MTHFD1: variants seen among roughly 807,000 people sequenced by gnomAD.
MTHFD1 encodes the protein methylenetetrahydrofolate dehydrogenase, cyclohydrolase and formyltetrahydrofolate synthetase 1.
In MTHFD1, 44 loss-of-function variants were observed where a neutral mutation model predicts 110.3. The observed-to-expected ratio is 0.40, with a 90% CI of 0.31 to 0.51. The LOEUF is 0.51. MTHFD1 is among the 20% of genes least tolerant of loss of function. The pLI, the probability that MTHFD1 is intolerant of heterozygous loss-of-function variation, is 0.60. For synonymous variants in MTHFD1, 402 were observed against 428.8 expected, an observed-to-expected ratio of 0.94 and a Z score of 0.77; for missense variants, 909 against 1,173.1, an observed-to-expected ratio of 0.77 and a Z score of 3.29.
chr14:64,412,762 C>T (rs1472172058), intron 4 of MTHFD1, among the ~76,000 whole-genome samples: 6 of 151,624 alleles, frequency 4.0e-5, no homozygotes, highest in Admixed American at 6.6e-5. Context: ...CTCAGCCTCC[C>T]GAGTAGCTGG....
intron 14 of MTHFD1, 39 bp from the exon 15 acceptor site, chr14:64,431,748 G>A: frequency 6.2e-7 from 1 of 1,604,018 alleles, no homozygotes; most frequent in Non-Finnish European, 8.5e-7. Context: ...CAAAGCAGTG[G>A]GGCTCCTCTC....
chr14:64,455,069 G>C, intron 26 of MTHFD1, 194 bp downstream of exon 26: 1 of 614,084 alleles, frequency 1.6e-6, no homozygotes, highest in Non-Finnish European at 2.9e-6. Context: ...GGACCATCTT[G>C]GTGTCAAATC....
intron 2 of MTHFD1, among the ~76,000 whole-genome samples, chr14:64,405,925 C>G (rs948021439): frequency 6.6e-6 from 1 of 151,408 alleles, no homozygotes. Context: ...GGGATGAGAT[C>G]CAATTCTAAA....
intron 24 of MTHFD1, among the ~76,000 whole-genome samples, chr14:64,451,465 A>T (rs1016720930): frequency 1.3e-5 from 2 of 152,250 alleles, no homozygotes; most frequent in African/African-American, 4.8e-5. Context: ...GTTAATTAAC[A>T]TTGACATTGA....
chr14:64,446,245 T>A (rs1230569182), intron 22 of MTHFD1, among the ~76,000 whole-genome samples: 1 of 152,226 alleles, frequency 6.6e-6, no homozygotes, highest in African/African-American at 2.4e-5. Flanking sequence ...ATGAATTATA[T>A]ACATGTATTT....
intron 22 of MTHFD1, among the ~76,000 whole-genome samples, chr14:64,447,524 G>C (rs1210830409): frequency 7.5e-6 from 1 of 133,412 alleles, no homozygotes; most frequent in Non-Finnish European, 1.6e-5. Context: ...TCCTAGGCTT[G>C]TCTCAAACTC....
intron 7 of MTHFD1, among the ~76,000 whole-genome samples, chr14:64,419,500 G>A (rs2078052929): frequency 6.6e-6 from 1 of 152,226 alleles, no homozygotes; most frequent in Non-Finnish European, 1.5e-5. Flanking sequence ...AGAAGGAGCA[G>A]TGTCTGGACA....
intron 15 of MTHFD1, among the ~76,000 whole-genome samples, chr14:64,433,481 A>C (rs900069100): frequency 6.6e-6 from 1 of 152,092 alleles, no homozygotes; most frequent in African/African-American, 2.4e-5. Context: ...GCCGTGGTGC[A>C]ATCACATCTT....
rs547628613 is a variant in MTHFD1 at position 64,459,742 on chromosome 14, C to A, written c.*5-17C>A. ...GCTTGCTTAGAGAAAACATTTATTT[C>A]TTGTTTTTCCTTCCAGATCACCATC... On this transcript the variant is annotated splice_polypyrimidine_tract_variant and intron_variant, in intron 27 of 27. Transcript: ENST00000652337. The A allele has an allele frequency of 3.3e-6, 5 of 1,526,918 alleles. No homozygotes were observed. The highest frequency in any genetic ancestry group is 2.4e-5 in the East Asian group (1 of 40,828). The allele number at this position is 1,526,918 out of a possible 1,614,324, so 94.6% of individuals were successfully genotyped here.
Position 64,454,831 on chromosome 14 carries a change from C to T in MTHFD1, c.2674C>T (p.Arg892Cys), listed in dbSNP as rs1038153439. 18 of 1,614,196 alleles carry T rather than the reference C, an allele frequency of 1.1e-5. No homozygotes were observed. Among genetic ancestry groups the T allele is most frequent in the Admixed American group, 3.3e-5 (2 of 60,026 alleles). The change falls in exon 26 of 28, where the codon CGC becomes TGC. Residue 892 changes from arginine to cysteine, a missense_variant. By Grantham distance (180) the Arg-to-Cys change is radical. This residue lies in a region of MTHFD1 where 482 missense variants were observed against 646.0 expected (regional missense o/e 0.75). Transcript: ENST00000652337. ...TGFILPIRDI[R>C]ASVGAGFLYP... ...CTTCATTCTGCCCATTCGCGACATC[C>T]GCGCCAGCGTTGGGGCTGGTTTTCT...
chr14:64,447,756 C>T (rs1260841466), intron 22 of MTHFD1, among the ~76,000 whole-genome samples: 1 of 152,124 alleles, frequency 6.6e-6, no homozygotes, highest in Non-Finnish European at 1.5e-5. Context: ...CTCTTCTGTG[C>T]CAGCCACTAT....
At chr14:64,454,925 G>A in intron 26 of MTHFD1, 50 bp downstream of exon 26, 2 of 1,597,202 alleles carry the variant, frequency 1.3e-6, no homozygotes, top group Non-Finnish European at 8.6e-7. Flanking sequence ...CTTCTCGTCT[G>A]AAGTGTGTTG....
At chr14:64,430,015 A>T (rs906474561) in intron 12 of MTHFD1, among the ~76,000 whole-genome samples, 169 bp from the exon 13 acceptor site, 3 of 152,214 alleles carry the variant, frequency 2.0e-5, no homozygotes, top group African/African-American at 7.2e-5. Flanking sequence ...TCAGATTTCA[A>T]TTGAGAGACT....
chr14:64,452,378 C>T (rs1642124702), intron 24 of MTHFD1, among the ~76,000 whole-genome samples: 1 of 152,198 alleles, frequency 6.6e-6, no homozygotes, highest in Non-Finnish European at 1.5e-5. Flanking sequence ...TTGTAATTTG[C>T]TCATCCAAAT....
At chr14:64,412,830 G>T (rs1308237221) in intron 4 of MTHFD1, among the ~76,000 whole-genome samples, 4 of 151,468 alleles carry the variant, frequency 2.6e-5, no homozygotes, top group Non-Finnish European at 5.9e-5. Flanking sequence ...TAGAGACGCG[G>T]TTTCACCACG....
Position 64,415,459 on chromosome 14 carries a change from G to C in MTHFD1, c.342G>C (p.Val114=). ...AGAATTCCATTAACACTGAAGAAGTGATCAATGCTATTGCACCCGAGAAGG... is the reference window on the plus strand; with the variant it reads ...AGAATTCCATTAACACTGAAGAAGTCATCAATGCTATTGCACCCGAGAAGG... ...DSENSINTEE[V]INAIAPEKDV... is the part of the protein sequence containing the mutation. Residue 114 remains valine (V), a synonymous_variant, in exon 5 of 28, where the codon GTG becomes GTC. Transcript: ENST00000652337. The C allele has an allele frequency of 6.2e-7, 1 of 1,614,106 alleles. No individual in the cohort carries two copies. Among genetic ancestry groups the C allele is most frequent in the Non-Finnish European group, 8.5e-7 (1 of 1,179,964 alleles).
chr14:64,390,943 C>T (rs140907300), intron 1 of MTHFD1, among the ~76,000 whole-genome samples: 169 of 152,240 alleles, frequency 1.1e-3, no homozygotes, highest in African/African-American at 3.5e-3. Flanking sequence ...GCCACTGCAC[C>T]GGTCCTAGAA....
At chr14:64,410,576 T>C (rs767815703) in intron 2 of MTHFD1, among the ~76,000 whole-genome samples, 1 of 152,166 alleles carries the variant, frequency 6.6e-6, no homozygotes, top group African/African-American at 2.4e-5. Context: ...CCTGGCTGTT[T>C]ATTCTGTGTA....
chr14:64,456,423 C>T (rs1342460246), intron 26 of MTHFD1, among the ~76,000 whole-genome samples: 1 of 152,174 alleles, frequency 6.6e-6, no homozygotes, highest in Non-Finnish European at 1.5e-5. Context: ...TATCTAGGTT[C>T]ATACATGTGC....
Sources: gnomAD v4.1 joint callset for allele counts (sites outside exome capture counted in the v4.1 genomes callset) on GRCh38, gnomAD v4.1.1 for gene constraint, gnomAD v4.1.1 regional missense constraint, MANE v1.5 for transcripts, NCBI Gene and HGNC (gene_info 2026-07-23, HGNC 2026-07-21) for gene names.